The following LPL variants were observed in gnomAD, a reference collection of about 807,000 sequenced individuals.
LPL encodes the protein phospholipase A1.
In LPL, 43 loss-of-function variants were observed where a neutral mutation model predicts 52.2. That is an observed-to-expected ratio of 0.82 (90% confidence interval 0.64 to 1.06). The LOEUF (loss-of-function observed/expected upper bound fraction) is 1.06, where lower values mean the gene tolerates loss of function less well. Ranked by LOEUF, LPL falls within the 50% of genes least tolerant of loss-of-function variation. LPL has a pLI of 0.00. For missense variants in LPL, 639 were observed against 585.3 expected (o/e 1.09, Z -0.95); for synonymous variants, 244 against 215.6 (o/e 1.13, Z -1.15).
At chr8:19,956,995 TG>T (rs1338215988) in intron 6 of LPL, among the ~76,000 whole-genome samples, 1 of 152,156 alleles carries the variant, frequency 6.6e-6, no homozygotes, top group Non-Finnish European at 1.5e-5. Flanking sequence ...AGCTAATTTT[TG>T]TATTTTTAGT....
At chr8:19,948,489 G>A in intron 2 of LPL, 149 bp downstream of exon 2, 2 of 899,688 alleles carry the variant, frequency 2.2e-6, no homozygotes, top group South Asian at 3.6e-5. Flanking sequence ...TGGCTCAGGT[G>A]GGATCTGAAG....
rs544714150 is a variant in LPL, at chr8:19,944,485, G to A, written c.89-3695G>A. Among the ~76,000 whole-genome samples the A allele has an allele frequency of 2.0e-5, 3 of 151,836 alleles. No homozygotes were observed. The South Asian group carries it at 6.3e-4, about 32-fold the overall frequency. On this transcript the variant is annotated intron_variant, in intron 1 of 9. Coordinates refer to ENST00000650287, the MANE Select transcript of LPL (RefSeq NM_000237.3). This position sits in a 1 kb window ranked among gnomAD's most constrained non-coding sequence, Gnocchi z 4.2. ...AGAGAAAGGGGTGGGGGGATAACAG[G>A]AGAACAGAAATTCCAAAGAGAATTG... is the stretch of plus-strand genomic sequence containing the variant.
chr8:19,948,942 A>T (rs2069908192), intron 2 of LPL, among the ~76,000 whole-genome samples: 3 of 152,114 alleles, frequency 2.0e-5, no homozygotes, highest in South Asian at 4.1e-4. Flanking sequence ...AATTAAAAAA[A>T]AAAAGGGCTG....
intron 8 of LPL, among the ~76,000 whole-genome samples, chr8:19,961,675 G>A (rs321): frequency 6.6e-6 from 1 of 151,888 alleles, no homozygotes; most frequent in South Asian, 2.1e-4. Flanking sequence ...TCATTTGCTT[G>A]TATCACCAAA....
At chr8:19,964,193 C>T (rs2070065718) in intron 9 of LPL, among the ~76,000 whole-genome samples, 1 of 152,146 alleles carries the variant, frequency 6.6e-6, no homozygotes, top group Non-Finnish European at 1.5e-5. Flanking sequence ...CTCAGGTTAT[C>T]CACCTGCCTC....
At chr8:19,963,027 G>A (rs551512554) in intron 9 of LPL, among the ~76,000 whole-genome samples, 203 of 152,310 alleles carry the variant, frequency 1.3e-3, no homozygotes, top group African/African-American at 4.1e-3. Flanking sequence ...AGAAATATTA[G>A]ATCATGTCAT....
At chr8:19,957,786 CACA>C (rs981880548) in intron 6 of LPL, among the ~76,000 whole-genome samples, 3 of 152,004 alleles carry the variant, frequency 2.0e-5, no homozygotes, top group African/African-American at 7.3e-5. Context: ...ATCAGAAGTT[CACA>C]ACATTTATTA....
rs372668179 is a variant in LPL at position 19,954,168 on chromosome 8, G to A, written c.590G>A (p.Arg197His). Residue 197 changes from arginine to histidine, a missense_variant, in exon 5 of 10, where the codon CGT becomes CAT. Physicochemically the swap from Arg to His is conservative, Grantham distance 29 (BLOSUM62 0). Coordinates refer to ENST00000650287, the MANE Select transcript of LPL (RefSeq NM_000237.3). ...PNFEYAEAPSRLSPDDADFVD... is the reference protein window; with the variant it reads ...PNFEYAEAPSHLSPDDADFVD... ...TTTGAGTATGCAGAAGCCCCGAGTCGTCTTTCTCCTGATGATGCAGATTTT... is the reference window on the plus strand; with the variant it reads ...TTTGAGTATGCAGAAGCCCCGAGTCATCTTTCTCCTGATGATGCAGATTTT... The A allele has an allele frequency of 1.7e-5, 28 of 1,614,002 alleles. No homozygotes were observed. In the Admixed American group the frequency reaches 2.5e-4, roughly 14 times the overall value.
chr8:19,947,639 C>CAA (rs754040497), intron 1 of LPL, among the ~76,000 whole-genome samples: 3 of 138,454 alleles, frequency 2.2e-5, no homozygotes, highest in Non-Finnish European at 4.6e-5. Context: ...TCTCAAAAAA[C>CAA]AAAACAAAAC....
intron 7 of LPL, among the ~76,000 whole-genome samples, chr8:19,960,252 G>C (rs1477303783): frequency 6.6e-6 from 1 of 152,152 alleles, no homozygotes; most frequent in Non-Finnish European, 1.5e-5. Context: ...AGGTGCGGAA[G>C]GTAGTATTTT....
chr8:19,950,879 G>GAGGAAGGAAGGAAGGAATGA lies in LPL; in HGVS notation c.250-854_250-835dup, dbSNP rs1448149793. On this transcript the variant is annotated intron_variant, in intron 2 of 9. Coordinates refer to ENST00000650287, the MANE Select transcript of LPL (RefSeq NM_000237.3). The surrounding 1 kb of genome is among the most constrained non-coding windows in gnomAD (Gnocchi z 4.2). ...GGAAGGAGGAAGGGAAGGAGGGAGG[G>GAGGAAGGAAGGAAGGAATGA]AGGAAGGAAGGAAGGAATGAAGGAA... Among the ~76,000 whole-genome samples, 11,815 of 127,414 alleles carry GAGGAAGGAAGGAAGGAATGA rather than the reference G, an allele frequency of 0.093. 1,116 individuals carry two copies. The highest frequency in any genetic ancestry group is 0.11 in the Middle Eastern group (29 of 258). 83.6% of individuals were successfully genotyped at this position (127,414 alleles called of 152,430 possible). A position where few individuals can be genotyped will look rare whatever the true frequency, so the allele number is the denominator to read the frequency against.
intron 1 of LPL, among the ~76,000 whole-genome samples, chr8:19,942,037 C>A (rs942532903): frequency 1.3e-5 from 2 of 152,066 alleles, no homozygotes; most frequent in Non-Finnish European, 2.9e-5. Context: ...CAAAGGAGAG[C>A]AAAATAGCAG....
chr8:19,948,492 A>G, intron 2 of LPL, 152 bp downstream of exon 2: 1 of 867,540 alleles, frequency 1.2e-6, no homozygotes, highest in Non-Finnish European at 1.7e-6. Context: ...CTCAGGTGGG[A>G]TCTGAAGCCA....
At chr8:19,954,062 C>A in intron 4 of LPL, 58 bp from the exon 5 acceptor site, 2 of 1,213,738 alleles carry the variant, frequency 1.6e-6, no homozygotes, top group African/African-American at 1.5e-5. Context: ...CAGTGACATG[C>A]GAATGTCATA....
At chr8:19,945,333 G>C (rs568500982) in intron 1 of LPL, among the ~76,000 whole-genome samples, 53 of 152,236 alleles carry the variant, frequency 3.5e-4, no homozygotes, top group African/African-American at 1.3e-3. Flanking sequence ...AACACAGGTA[G>C]TGTGAAAATT....
intron 1 of LPL, among the ~76,000 whole-genome samples, chr8:19,946,253 T>C (rs1013247335): frequency 6.6e-6 from 1 of 152,196 alleles, no homozygotes; most frequent in Non-Finnish European, 1.5e-5. Context: ...TCTTGGAGTG[T>C]TTACCCATTG....
chr8:19,941,627 C>T (rs983615996), intron 1 of LPL, among the ~76,000 whole-genome samples: 1 of 152,204 alleles, frequency 6.6e-6, no homozygotes, highest in Non-Finnish European at 1.5e-5. Context: ...AGACTGGAAA[C>T]GATGCCCTCC....
chr8:19,954,561 C>T (rs188707281), intron 5 of LPL, among the ~76,000 whole-genome samples: 50 of 152,262 alleles, frequency 3.3e-4, no homozygotes, highest in African/African-American at 1.2e-3. Context: ...CTGTAGGCTA[C>T]ACTGAGCAGT....
In LPL at chr8:19,965,590, G is replaced by A. The variant is rs1563586373; in HGVS notation, c.*280G>A. The A allele has an allele frequency of 2.4e-6, 1 of 424,486 alleles. No individual in the cohort carries two copies. Among genetic ancestry groups the A allele is most frequent in the Non-Finnish European group, 4.2e-6 (1 of 237,018 alleles). 26.3% of individuals were successfully genotyped at this position (424,486 alleles called of 1,614,324 possible). A position where few individuals can be genotyped will look rare whatever the true frequency, so the allele number is the denominator to read the frequency against. ...AAGTGCTGTTTTGTCCTTTGAGAAA[G>A]AAATAATTGTTTGAGCGCAGAGTAA... On this transcript the variant is annotated 3_prime_UTR_variant, in exon 10 of 10. Coordinates refer to ENST00000650287, the MANE Select transcript of LPL (RefSeq NM_000237.3).
Sources: allele counts gnomAD v4.1 joint callset (sites outside exome capture counted in the v4.1 genomes callset), GRCh38; gene constraint gnomAD v4.1.1; non-coding constraint Gnocchi (gnomAD v3.1); transcripts MANE v1.5; gene names NCBI Gene and HGNC (gene_info 2026-07-23, HGNC 2026-07-21).